Variants in CMSS1 observed in about 807,000 individuals in gnomAD.
CMSS1 encodes the protein protein CMSS1.
In CMSS1, 33 loss-of-function variants were observed where a neutral mutation model predicts 43.5. The observed-to-expected ratio is 0.76, with a 90% CI of 0.57 to 1.01. The LOEUF is 1.01. CMSS1 is among the 50% of genes least tolerant of loss of function. CMSS1 has a pLI of 0.00. For missense variants in CMSS1, 313 were observed against 326.4 expected (o/e 0.96, Z 0.32); for synonymous variants, 115 against 117.2 (o/e 0.98, Z 0.12).
chr3:100,172,356 A>T lies in CMSS1; in HGVS notation c.620A>T (p.His207Leu). The change falls in exon 8 of 10, where the codon CAC (histidine) becomes CTC (leucine). Residue 207 changes from histidine (H) to leucine (L), a missense_variant. Transcript: ENST00000421999. ...AAGTTGCTGGAGAAGCGTGTGGTGCACCTGGGTGTAGGAACTCCGGGGAGA... is the reference window on the plus strand; with the variant it reads ...AAGTTGCTGGAGAAGCGTGTGGTGCTCCTGGGTGTAGGAACTCCGGGGAGA... ...QVKLLEKRVV[H>L]LGVGTPGRIK... 1 of 1,613,904 alleles carries T rather than the reference A, an allele frequency of 6.2e-7. No homozygotes were observed. The highest frequency in any genetic ancestry group is 8.5e-7 in the Non-Finnish European group (1 of 1,179,894).
chr3:99,988,246 C>A (rs1709404705), intron 1 of CMSS1, among the ~76,000 whole-genome samples: 1 of 150,852 alleles, frequency 6.6e-6, no homozygotes, highest in South Asian at 2.1e-4. Flanking sequence ...GCCTGTAATC[C>A]CAGCACTTTG....
intron 1 of CMSS1, among the ~76,000 whole-genome samples, chr3:99,875,513 A>G (rs1258864762): frequency 6.6e-6 from 1 of 152,228 alleles, no homozygotes; most frequent in Non-Finnish European, 1.5e-5. Flanking sequence ...ATATGCTTTT[A>G]CGACAAAATA....
intron 1 of CMSS1, among the ~76,000 whole-genome samples, chr3:99,935,695 G>A (rs554325279): frequency 2.6e-5 from 4 of 152,280 alleles, no homozygotes; most frequent in South Asian, 2.1e-4. Flanking sequence ...GGGATTTCCC[G>A]CTTTAGAATT....
rs1308044951 is a variant in CMSS1, at chr3:100,179,703, A to G, written c.*1315A>G. On this transcript the variant is annotated 3_prime_UTR_variant, in exon 10 of 10. Transcript: ENST00000421999. Reference sequence around the variant, plus strand: ...TTGAGTGCCTACAGCATATCCAGGTACACAGTGTAAGCTGTCAGTGGATCT... The same window carrying G: ...TTGAGTGCCTACAGCATATCCAGGTGCACAGTGTAAGCTGTCAGTGGATCT... 1 of 152,420 alleles carries G rather than the reference A, an allele frequency of 6.6e-6. No individual in the cohort carries two copies. The highest frequency in any genetic ancestry group is 1.5e-5 in the Non-Finnish European group (1 of 68,202). 9.4% of individuals were successfully genotyped at this position (152,420 alleles called of 1,614,324 possible).
intron 1 of CMSS1, among the ~76,000 whole-genome samples, chr3:100,061,660 A>C (rs1415098232): frequency 1.3e-5 from 2 of 152,226 alleles, no homozygotes; most frequent in African/African-American, 4.8e-5. Context: ...TCTAGGTGCT[A>C]AGTGCTTTAC....
chr3:99,979,530 G>C (rs891397416), intron 1 of CMSS1, among the ~76,000 whole-genome samples: 1 of 152,116 alleles, frequency 6.6e-6, no homozygotes, highest in Admixed American at 6.5e-5. Context: ...TTCTTTCCCA[G>C]ATTTTTTTAA....
intron 1 of CMSS1, among the ~76,000 whole-genome samples, chr3:99,921,254 T>C (rs968661222): frequency 1.1e-4 from 16 of 152,220 alleles, no homozygotes; most frequent in African/African-American, 2.9e-4. Context: ...TTCACACTCT[T>C]GTGTGTAAGC....
intron 1 of CMSS1, among the ~76,000 whole-genome samples, chr3:99,931,613 G>C (rs939837186): frequency 1.3e-5 from 2 of 152,194 alleles, no homozygotes; most frequent in Non-Finnish European, 2.9e-5. Context: ...AGGAATGAAG[G>C]CTTGGTCCCT....
chr3:99,907,643 C>T (rs1706662694), intron 1 of CMSS1, among the ~76,000 whole-genome samples: 1 of 152,122 alleles, frequency 6.6e-6, no homozygotes, highest in African/African-American at 2.4e-5. Context: ...TAAGCCAAAC[C>T]ATATTCCTTG....
At chr3:100,045,481 A>AT (rs397938246) in intron 1 of CMSS1, among the ~76,000 whole-genome samples, 2,436 of 150,446 alleles carry the variant, frequency 0.016, 65 homozygotes, top group African/African-American at 0.056. Context: ...CTGTGTTAGA[A>AT]TTTTTTTTTT....
At chr3:99,893,113 T>G (rs1377832677) in intron 1 of CMSS1, among the ~76,000 whole-genome samples, 1 of 152,070 alleles carries the variant, frequency 6.6e-6, no homozygotes, top group African/African-American at 2.4e-5. Flanking sequence ...AGAAGACACC[T>G]TTCTGCTTTC....
At chr3:99,949,085 T>C (rs997791111) in intron 1 of CMSS1, among the ~76,000 whole-genome samples, 3 of 151,996 alleles carry the variant, frequency 2.0e-5, no homozygotes, top group African/African-American at 7.2e-5. Flanking sequence ...GTGAGTAAAT[T>C]CCAAAAAAAA....
intron 1 of CMSS1, among the ~76,000 whole-genome samples, chr3:99,929,281 C>T (rs760693694): frequency 6.6e-6 from 1 of 152,074 alleles, no homozygotes; most frequent in Non-Finnish European, 1.5e-5. Flanking sequence ...TTGCTAGGTA[C>T]GCTTGGTGAG....
intron 1 of CMSS1, among the ~76,000 whole-genome samples, chr3:99,834,783 G>A (rs924286640): frequency 4.6e-5 from 7 of 152,280 alleles, no homozygotes; most frequent in Admixed American, 2.0e-4. Context: ...AGCACAAGCC[G>A]TGGAGCCAGT....
chr3:100,014,807 AT>A (rs201338660), intron 1 of CMSS1, among the ~76,000 whole-genome samples: 7,086 of 64,520 alleles, frequency 0.11, 303 homozygotes, highest in East Asian at 0.31. Flanking sequence ...CATTCTATTG[AT>A]TTTTTTTTTT....
At chr3:100,047,042 T>C (rs1300490113) in intron 1 of CMSS1, among the ~76,000 whole-genome samples, 1 of 152,222 alleles carries the variant, frequency 6.6e-6, no homozygotes, top group Non-Finnish European at 1.5e-5. Flanking sequence ...AGATAAAATG[T>C]AAAGGGTATT....
At chr3:99,990,446 A>G (rs541813395) in intron 1 of CMSS1, among the ~76,000 whole-genome samples, 72 of 152,334 alleles carry the variant, frequency 4.7e-4, no homozygotes, top group Admixed American at 1.4e-3. Flanking sequence ...AGTGAACACT[A>G]AATGTTCAGC....
intron 1 of CMSS1, among the ~76,000 whole-genome samples, chr3:100,058,544 C>T (rs1475248051): frequency 6.6e-6 from 1 of 152,226 alleles, no homozygotes; most frequent in East Asian, 1.9e-4. Context: ...TAAAGCTTTG[C>T]TCAGCTTTTG....
At chr3:100,044,034 T>C (rs1040929919) in intron 1 of CMSS1, among the ~76,000 whole-genome samples, 4 of 152,212 alleles carry the variant, frequency 2.6e-5, no homozygotes, top group Admixed American at 2.6e-4. Flanking sequence ...GTTTGAAGGC[T>C]AGCTAGTAGT....
Sources: gnomAD v4.1 joint callset for allele counts (sites outside exome capture counted in the v4.1 genomes callset) on GRCh38, gnomAD v4.1.1 for gene constraint, MANE v1.5 for transcripts, NCBI Gene and HGNC (gene_info 2026-07-23, HGNC 2026-07-21) for gene names.